DISC1: variants seen among roughly 807,000 people sequenced by gnomAD.
DISC1 encodes the protein DISC1 scaffold protein, also known as disrupted in schizophrenia 1 protein.
Under a neutral mutation model 84.5 loss-of-function variants are expected in DISC1, and 57 were observed. That is an observed-to-expected ratio of 0.67 (90% CI 0.55 to 0.84). DISC1 has a LOEUF of 0.84. DISC1 is among the 40% of genes least tolerant of loss of function. The pLI, the probability that DISC1 is intolerant of heterozygous loss-of-function variation, is 0.00. For synonymous variants in DISC1, 411 were observed against 415.2 expected, an observed-to-expected ratio of 0.99 and a Z score of 0.12; for missense variants, 1,000 against 1,057.8, an observed-to-expected ratio of 0.95 and a Z score of 0.76.
chr1:231,983,550 T>TA (rs1253023208), intron 10 of DISC1, among the ~76,000 whole-genome samples: 2 of 5,404 alleles, frequency 3.7e-4, no homozygotes, highest in East Asian at 0.01. Context: ...GGGGTGGGGG[T>TA]GGGGGGAGGT....
intron 6 of DISC1, 120 bp from the exon 7 acceptor site, chr1:231,795,122 C>A: frequency 1.1e-6 from 1 of 944,692 alleles, no homozygotes; most frequent in Non-Finnish European, 1.7e-6. Flanking sequence ...ATCATCTTTC[C>A]TCCTGCACTT....
At chr1:231,741,915 T>G (rs1049514341) in intron 3 of DISC1, among the ~76,000 whole-genome samples, 1 of 152,178 alleles carries the variant, frequency 6.6e-6, no homozygotes, top group Non-Finnish European at 1.5e-5. Context: ...CTGGGGAACA[T>G]CAATGACCCT....
chr1:231,849,077 C>T (rs1422451097), intron 9 of DISC1, among the ~76,000 whole-genome samples: 1 of 151,098 alleles, frequency 6.6e-6, no homozygotes, highest in African/African-American at 2.4e-5. Flanking sequence ...ATATGTGTTA[C>T]GTTTACTTAT....
intron 1 of DISC1, among the ~76,000 whole-genome samples, chr1:231,682,740 C>G (rs142324197): frequency 1.3e-5 from 2 of 152,342 alleles, no homozygotes; most frequent in East Asian, 1.9e-4. Context: ...CCAGCTTCCT[C>G]TAACGGTAAG....
At chr1:231,639,399 C>T (rs2059447465) in intron 1 of DISC1, among the ~76,000 whole-genome samples, 1 of 152,200 alleles carries the variant, frequency 6.6e-6, no homozygotes, top group Non-Finnish European at 1.5e-5. Flanking sequence ...ACCTGTGGTG[C>T]TCCCAACACC....
intron 10 of DISC1, among the ~76,000 whole-genome samples, chr1:231,983,222 A>G (rs1663868467): frequency 6.6e-6 from 1 of 151,990 alleles, no homozygotes; most frequent in Non-Finnish European, 1.5e-5. Context: ...AAAGCTGTTC[A>G]TAGGGAGTTG....
At position 231,722,731 on chromosome 1, in the gene DISC1, A is replaced by C. The variant is rs2069987347; in HGVS notation, c.1117+20707A>C. 2.6e-6 allele frequency: 4 copies of C among 1,541,706 alleles called. No homozygotes were observed. The South Asian group carries it at 4.8e-5, about 19-fold the overall frequency. On this transcript the variant is annotated intron_variant, in intron 3 of 12. Transcript: ENST00000439617. ...GAATACGCTCATTTATGATCAGGGT[A>C]GCATCATATTCCTCTCCCTTTTAAC... is the stretch of plus-strand genomic sequence containing the variant.
chr1:231,937,579 C>T (rs533834658), intron 9 of DISC1, among the ~76,000 whole-genome samples: 56 of 152,304 alleles, frequency 3.7e-4, no homozygotes, highest in African/African-American at 1.1e-3. Context: ...TCCTGGCCCC[C>T]GGCCAGGGTT....
intron 10 of DISC1, among the ~76,000 whole-genome samples, chr1:231,965,413 C>T (rs569731568): frequency 6.6e-6 from 1 of 152,252 alleles, no homozygotes; most frequent in East Asian, 1.9e-4. Context: ...CGGTCAGTAC[C>T]TGGTCATTCC....
chr1:231,875,663 C>T (rs1424497207), intron 9 of DISC1, among the ~76,000 whole-genome samples: 1 of 152,186 alleles, frequency 6.6e-6, no homozygotes, highest in Non-Finnish European at 1.5e-5. Flanking sequence ...AGGAACTAAA[C>T]TGTACTCCCT....
chr1:231,981,621 C>T (rs1448753599), intron 10 of DISC1, among the ~76,000 whole-genome samples: 1 of 152,054 alleles, frequency 6.6e-6, no homozygotes, highest in East Asian at 1.9e-4. Context: ...AAAATAATTC[C>T]AGAGGTTTTT....
intron 9 of DISC1, among the ~76,000 whole-genome samples, chr1:231,868,042 G>A (rs1194309149): frequency 6.6e-6 from 1 of 152,202 alleles, no homozygotes; most frequent in Non-Finnish European, 1.5e-5. Context: ...CTGCTTAGCT[G>A]GCTGGGGGAC....
At chr1:231,656,057 C>G (rs781543082) in intron 1 of DISC1, among the ~76,000 whole-genome samples, 1 of 152,120 alleles carries the variant, frequency 6.6e-6, no homozygotes, top group Non-Finnish European at 1.5e-5. Flanking sequence ...TGTGTTTACT[C>G]TAATGATTAT....
rs185575014 is a variant in DISC1, at chr1:231,844,759, A to G, written c.1981+26242A>G. ...GGCTAACACGTGAAACCCCGTCTCT[A>G]CTAAAAATACAAAAAAAATTAGCCG... On this transcript the variant is annotated intron_variant, in intron 9 of 12. Transcript: ENST00000439617. 2.3e-3 allele frequency among the ~76,000 whole-genome samples: 353 copies of G among 151,964 alleles called. 2 individuals carry two copies. Among genetic ancestry groups the G allele is most frequent in the African/African-American group, 8.1e-3 (337 of 41,446 alleles).
intron 9 of DISC1, among the ~76,000 whole-genome samples, chr1:231,871,247 T>G (rs1037314890): frequency 6.6e-6 from 1 of 152,204 alleles, no homozygotes; most frequent in Non-Finnish European, 1.5e-5. Context: ...CATTGCCTAT[T>G]AGTCGCCATT....
chr1:231,835,243 G>A lies in DISC1; in HGVS notation c.1981+16726G>A, dbSNP rs912541909. Reference sequence around the variant, plus strand: ...TGAGTCACGGCACCAAATTTCACTCGCGTCCGTGTGAAGAGACCGCTAAAC... The same window carrying A: ...TGAGTCACGGCACCAAATTTCACTCACGTCCGTGTGAAGAGACCGCTAAAC... On this transcript the variant is annotated intron_variant, in intron 9 of 12. Transcript: ENST00000439617. 7.2e-5 allele frequency among the ~76,000 whole-genome samples: 11 copies of A among 152,278 alleles called. No individual in the cohort carries two copies. The East Asian group carries it at 1.7e-3, about 24-fold the overall frequency.
chr1:231,637,805 G>A (rs535799243), intron 1 of DISC1, among the ~76,000 whole-genome samples: 1 of 152,302 alleles, frequency 6.6e-6, no homozygotes, highest in Non-Finnish European at 1.5e-5. Context: ...ATAAACATGT[G>A]AGTCCAGGTA....
chr1:231,855,309 TTA>T, intron 9 of DISC1: 1 of 936,886 alleles, frequency 1.1e-6, no homozygotes, highest in East Asian at 1.2e-4. Flanking sequence ...AAATAACATG[TTA>T]TATATATAAT....
Position 231,958,721 on chromosome 1 carries a change from A to G in DISC1, c.1982-107A>G, listed in dbSNP as rs571951893. On this transcript the variant is annotated intron_variant, in intron 9 of 12. Transcript: ENST00000439617. ...TTTCCAAACATAGAATGTTACGATT[A>G]CTAGTGGCTTGACCTCAATCCTTTG... is the stretch of plus-strand genomic sequence containing the variant. 1.4e-5 allele frequency: 15 copies of G among 1,088,756 alleles called. No individual in the cohort carries two copies. In the African/African-American group the frequency reaches 1.4e-4, roughly 10 times the overall value. The allele number at this position is 1,088,756 out of a possible 1,614,324, so 67.4% of individuals were successfully genotyped here. A position where few individuals can be genotyped will look rare whatever the true frequency, so the allele number is the denominator to read the frequency against.
Sources: gnomAD v4.1 joint callset for allele counts (sites outside exome capture counted in the v4.1 genomes callset) on GRCh38, gnomAD v4.1.1 for gene constraint, MANE v1.5 for transcripts, NCBI Gene and HGNC (gene_info 2026-07-23, HGNC 2026-07-21) for gene names.